FAM193B: variants seen among roughly 807,000 people sequenced by gnomAD.
FAM193B encodes the protein protein FAM193B.
In FAM193B, 27 loss-of-function variants were observed where a neutral mutation model predicts 70.7. The observed-to-expected ratio is 0.38, with a 90% CI of 0.28 to 0.53. FAM193B has a LOEUF of 0.53. Ranked by LOEUF, FAM193B falls within the 20% of genes least tolerant of loss-of-function variation. The pLI, the probability that FAM193B is intolerant of heterozygous loss-of-function variation, is 0.81. For synonymous variants in FAM193B, 448 were observed against 436.0 expected (o/e 1.03, Z -0.34); for missense variants, 1,022 against 1,072.5 (o/e 0.95, Z 0.66).
At position 177,538,921 on chromosome 5, in the gene FAM193B, C is replaced by T. The variant is rs748000566; in HGVS notation, c.437G>A (p.Arg146Gln). ...GTTACCTACCGCCACTGCATGTTCT[C>T]GACCTGTCTGCCTTTCATCTTCCTC... ...SMEEDERQTGREHAVAISLSH... is the reference protein window; with the variant it reads ...SMEEDERQTGQEHAVAISLSH... Residue 146 changes from arginine (R) to glutamine (Q), a missense_variant, in exon 2 of 9, where the codon CGA becomes CAA. Arg to Gln is a conservative substitution (Grantham distance 43). Transcript: ENST00000514747. The surrounding 1 kb of genome is among the most constrained non-coding windows in gnomAD (Gnocchi z 4.1). 20 of 1,613,928 alleles carry T rather than the reference C, an allele frequency of 1.2e-5. 1 individual carries two copies. The highest frequency in any genetic ancestry group is 3.3e-4 in the Middle Eastern group (2 of 6,082).
Position 177,554,523 on chromosome 5 carries a change from C to CGCCGCT in FAM193B, c.-66_-65insAGCGGC, listed in dbSNP as rs1766818610. The CGCCGCT allele has an allele frequency of 2.2e-6, 2 of 920,200 alleles. No homozygotes were observed. Among genetic ancestry groups the CGCCGCT allele is most frequent in the East Asian group, 1.0e-4 (1 of 10,020 alleles). The allele number at this position is 920,200 out of a possible 1,614,324, so 57.0% of individuals were successfully genotyped here. A position where few individuals can be genotyped will look rare whatever the true frequency, so the allele number is the denominator to read the frequency against. ...CCGCCGCCGCCGCCGCCGCCGCCGC[C>CGCCGCT]GCCGCCGCTACCGCTCCCCTCACAG... is the stretch of plus-strand genomic sequence containing the variant. On this transcript the variant is annotated 5_prime_UTR_variant, in exon 1 of 9. Coordinates refer to ENST00000514747, the MANE Select transcript of FAM193B (RefSeq NM_001190946.3).
chr5:177,531,771 G>T, intron 5 of FAM193B: 1 of 765,204 alleles, frequency 1.3e-6, no homozygotes, highest in Non-Finnish European at 1.8e-6. Flanking sequence ...GTTGGAGCCC[G>T]GGCTTCGTCA....
chr5:177,532,016 C>A lies in FAM193B; in HGVS notation c.1275+427G>T. On this transcript the variant is annotated intron_variant, in intron 5 of 8. Transcript: ENST00000514747. This position sits in a 1 kb window ranked among gnomAD's most constrained non-coding sequence, Gnocchi z 4.9. ...AGCCAGCATGCCCTCTGATCTGAGC[C>A]TCCTTCCTGGCGCCGTCTGTGCTCA... The A allele has an allele frequency of 1.5e-6, 2 of 1,291,556 alleles. No homozygotes were observed. The highest frequency in any genetic ancestry group is 2.0e-6 in the Non-Finnish European group (2 of 990,360). The allele number at this position is 1,291,556 out of a possible 1,614,324, so 80.0% of individuals were successfully genotyped here.
At chr5:177,544,698 A>G (rs1428311726) in intron 1 of FAM193B, among the ~76,000 whole-genome samples, 3 of 152,246 alleles carry the variant, frequency 2.0e-5, no homozygotes, top group African/African-American at 7.2e-5. Context: ...TTGTAAAATG[A>G]AATGGAAAAC....
intron 6 of FAM193B, 72 bp from the exon 7 acceptor site, chr5:177,524,104 T>C: frequency 1.2e-6 from 2 of 1,612,028 alleles, no homozygotes; most frequent in South Asian, 2.2e-5. Context: ...GGGGCAGCGC[T>C]GTCTACACAC....
chr5:177,530,489 C>A (rs773291232), intron 5 of FAM193B, among the ~76,000 whole-genome samples: 2 of 152,202 alleles, frequency 1.3e-5, no homozygotes, highest in African/African-American at 4.8e-5. Flanking sequence ...GAAAATCCCT[C>A]TCTTCTTCTC....
At chr5:177,523,102 C>T (rs1344379164) in intron 7 of FAM193B, 6 of 215,046 alleles carry the variant, frequency 2.8e-5, no homozygotes, top group Non-Finnish European at 5.0e-5. Flanking sequence ...CAGGTTCCAG[C>T]GATTCTCCTG....
At position 177,524,456 on chromosome 5, in the gene FAM193B, G is replaced by A. The variant is rs773862791; in HGVS notation, c.2025C>T (p.Gly675=). 6.1e-5 allele frequency: 98 copies of A among 1,611,132 alleles called. 2 individuals are homozygous for A. The highest frequency in any genetic ancestry group is 8.1e-5 in the Non-Finnish European group (96 of 1,178,886). Residue 675 remains glycine (G), a synonymous_variant, in exon 6 of 9, where the codon GGC becomes GGT. Transcript: ENST00000514747. ...CTACTTTGGGAAGCTCTAGGACCCT[G>A]CCTGGCTGCTTGGGGCCAGCGACCT... ...KGQVAGPKQP[G]RVLELPKVGS...
chr5:177,526,357 G>A (rs1273167052), intron 5 of FAM193B, among the ~76,000 whole-genome samples: 1 of 152,168 alleles, frequency 6.6e-6, no homozygotes, highest in Non-Finnish European at 1.5e-5. Flanking sequence ...TTTCCCATGT[G>A]CGAAGGTGGG....
chr5:177,544,080 C>A (rs1312490217), intron 1 of FAM193B, among the ~76,000 whole-genome samples: 1 of 152,220 alleles, frequency 6.6e-6, no homozygotes, highest in East Asian at 1.9e-4. Flanking sequence ...GGGGGTTCTA[C>A]TGATTTGGGA....
At position 177,531,849 on chromosome 5, in the gene FAM193B, A is replaced by G; in HGVS notation, c.1275+594T>C. 4.3e-6 allele frequency: 5 copies of G among 1,156,096 alleles called. No individual in the cohort carries two copies. The East Asian group carries it at 3.0e-4, about 69-fold the overall frequency. The allele number at this position is 1,156,096 out of a possible 1,614,324, so 71.6% of individuals were successfully genotyped here. A position where few individuals can be genotyped will look rare whatever the true frequency, so the allele number is the denominator to read the frequency against. ...GAGCCTCAATTTTGTCATCTCTAAAATGAGGATAATAACCCCTAGCTCAAA... is the reference window on the plus strand; with the variant it reads ...GAGCCTCAATTTTGTCATCTCTAAAGTGAGGATAATAACCCCTAGCTCAAA... On this transcript the variant is annotated intron_variant, in intron 5 of 8. Transcript: ENST00000514747.
chr5:177,549,676 T>C (rs1412161045), intron 1 of FAM193B, among the ~76,000 whole-genome samples: 1 of 152,260 alleles, frequency 6.6e-6, no homozygotes, highest in Admixed American at 6.5e-5. Flanking sequence ...GAAGGGACTA[T>C]GTCTGATTCA....
intron 6 of FAM193B, 39 bp from the exon 7 acceptor site, chr5:177,524,071 C>T: frequency 6.2e-7 from 1 of 1,613,726 alleles, no homozygotes; most frequent in Non-Finnish European, 8.5e-7. Flanking sequence ...TGCCCATGGC[C>T]AGGCCTTTGG....
intron 1 of FAM193B, among the ~76,000 whole-genome samples, chr5:177,552,356 T>C (rs1376982480): frequency 6.6e-6 from 1 of 152,220 alleles, no homozygotes; most frequent in South Asian, 2.1e-4. Flanking sequence ...GTAAAGTGCC[T>C]GGCACAAATA....
chr5:177,526,832 G>A (rs1024002928), intron 5 of FAM193B, among the ~76,000 whole-genome samples: 2 of 152,238 alleles, frequency 1.3e-5, no homozygotes, highest in African/African-American at 4.8e-5. Context: ...AATTCCATCT[G>A]ACAACCATTT....
chr5:177,550,891 G>A (rs116233868), intron 1 of FAM193B, among the ~76,000 whole-genome samples: 13 of 152,280 alleles, frequency 8.5e-5, no homozygotes, highest in Admixed American at 3.3e-4. Flanking sequence ...GTGCAGTGGC[G>A]TGCACATGAA....
In FAM193B at chr5:177,532,446, A is replaced by G. The variant is rs775297362; in HGVS notation, c.1272T>C (p.Asn424=). 1.2e-6 allele frequency: 2 copies of G among 1,609,652 alleles called. No homozygotes were observed. The highest frequency in any genetic ancestry group is 1.7e-6 in the Non-Finnish European group (2 of 1,178,418). The part of the protein sequence containing the change: ...DCCYCEFFGH[N]AEKEKAQLAA... ...TAGCCTGGGCAGGCTCACTCACCGCATTGTGGCCGAAGAACTCACAGTAGC... is the reference window on the plus strand; with the variant it reads ...TAGCCTGGGCAGGCTCACTCACCGCGTTGTGGCCGAAGAACTCACAGTAGC... Residue 424 remains asparagine, a synonymous_variant, in exon 5 of 9, where the codon AAT becomes AAC. Coordinates refer to ENST00000514747, the MANE Select transcript of FAM193B (RefSeq NM_001190946.3). The surrounding 1 kb of genome is among the most constrained non-coding windows in gnomAD (Gnocchi z 4.9).
chr5:177,524,868 G>A lies in FAM193B; in HGVS notation c.1613C>T (p.Thr538Ile). ...CGTGTGGTTCTGAGGGGAGCCCAAAGTCAAAGGGGACAGGTCAAGGTTGAT... is the reference window on the plus strand; with the variant it reads ...CGTGTGGTTCTGAGGGGAGCCCAAAATCAAAGGGGACAGGTCAAGGTTGAT... ...PDINLDLSPL[T>I]LGSPQNHTLQ... The change falls in exon 6 of 9, where the codon ACT becomes ATT. Residue 538 changes from threonine to isoleucine, a missense_variant. Transcript: ENST00000514747. 4 of 1,511,088 alleles carry A rather than the reference G, an allele frequency of 2.6e-6. No individual in the cohort carries two copies. Among genetic ancestry groups the A allele is most frequent in the Non-Finnish European group, 3.5e-6 (4 of 1,131,796 alleles). The allele number at this position is 1,511,088 out of a possible 1,614,324, so 93.6% of individuals were successfully genotyped here.
chr5:177,537,750 A>G, intron 3 of FAM193B, 123 bp downstream of exon 3: 4 of 1,379,874 alleles, frequency 2.9e-6, no homozygotes, highest in Non-Finnish European at 3.8e-6. Flanking sequence ...TGCTTCCACC[A>G]GAACAGTTCC....
Sources: allele counts gnomAD v4.1 joint callset (sites outside exome capture counted in the v4.1 genomes callset), GRCh38; gene constraint gnomAD v4.1.1; non-coding constraint Gnocchi (gnomAD v3.1); transcripts MANE v1.5; gene names NCBI Gene and HGNC (gene_info 2026-07-23, HGNC 2026-07-21).